SHISAL2B: variants seen among roughly 807,000 people sequenced by gnomAD.
SHISAL2B encodes the protein shisa like 2B.
A neutral mutation model predicts 16.5 loss-of-function variants in SHISAL2B; 12 were observed. That is an observed-to-expected ratio of 0.73 (90% CI 0.47 to 1.18). The LOEUF (loss-of-function observed/expected upper bound fraction) is 1.18, where lower values mean the gene tolerates loss of function less well. SHISAL2B is among the 50% of genes most tolerant of loss of function. The pLI, the probability that SHISAL2B is intolerant of heterozygous loss-of-function variation, is 0.00. For synonymous variants in SHISAL2B, 72 were observed against 75.0 expected (o/e 0.96, Z 0.21); for missense variants, 183 against 193.6 (o/e 0.95, Z 0.33).
At chr5:64,696,050 C>T (rs1741729313) in intron 2 of SHISAL2B, among the ~76,000 whole-genome samples, 1 of 152,178 alleles carries the variant, frequency 6.6e-6, no homozygotes, top group Admixed American at 6.5e-5. Flanking sequence ...CGGCTGGAGC[C>T]ACAGCAGAGG....
At chr5:64,696,337 A>C (rs1561374111) in intron 2 of SHISAL2B, among the ~76,000 whole-genome samples, 1 of 152,238 alleles carries the variant, frequency 6.6e-6, no homozygotes. Flanking sequence ...ATTGATTGTA[A>C]AACATGTGTG....
intron 1 of SHISAL2B, chr5:64,694,272 G>C (rs896423850): frequency 2.5e-5 from 9 of 353,552 alleles, no homozygotes; most frequent in African/African-American, 4.3e-5. Context: ...GTTCTCAAAT[G>C]CTTTAAATAA....
chr5:64,717,795 C>T, intron 2 of SHISAL2B, 94 bp from the exon 3 acceptor site: 3 of 1,129,524 alleles, frequency 2.7e-6, no homozygotes, highest in South Asian at 1.5e-5. Flanking sequence ...ATCATATTTT[C>T]AATATTGCTA....
intron 2 of SHISAL2B, among the ~76,000 whole-genome samples, chr5:64,704,959 C>A (rs1012745162): frequency 2.0e-5 from 3 of 152,086 alleles, no homozygotes; most frequent in Admixed American, 6.5e-5. Flanking sequence ...GTCTAACCTG[C>A]AGGAAGAGAG....
At chr5:64,711,352 G>C (rs1048732959) in intron 2 of SHISAL2B, among the ~76,000 whole-genome samples, 1 of 149,658 alleles carries the variant, frequency 6.7e-6, no homozygotes, top group Non-Finnish European at 1.5e-5. Context: ...ATTGATTTGC[G>C]TATATTGAAC....
chr5:64,709,811 G>C (rs1741932647), intron 2 of SHISAL2B, among the ~76,000 whole-genome samples: 2 of 152,068 alleles, frequency 1.3e-5, no homozygotes, highest in Admixed American at 1.3e-4. Context: ...TTTTTTTCAT[G>C]TGTTTTTTGG....
At chr5:64,700,534 C>A (rs1741794755) in intron 2 of SHISAL2B, among the ~76,000 whole-genome samples, 1 of 152,154 alleles carries the variant, frequency 6.6e-6, no homozygotes, top group Admixed American at 6.5e-5. Context: ...CCTCAGCCTC[C>A]CGAGTAGCTG....
intron 2 of SHISAL2B, among the ~76,000 whole-genome samples, chr5:64,703,088 T>G (rs1741830752): frequency 1.3e-5 from 2 of 152,250 alleles, no homozygotes; most frequent in South Asian, 4.1e-4. Flanking sequence ...AAATAAACTT[T>G]CAAATCACTC....
chr5:64,702,642 T>G (rs1741826252), intron 2 of SHISAL2B, among the ~76,000 whole-genome samples: 1 of 152,102 alleles, frequency 6.6e-6, no homozygotes, highest in Non-Finnish European at 1.5e-5. Context: ...ATTTATATAT[T>G]TGCATACCTA....
intron 2 of SHISAL2B, among the ~76,000 whole-genome samples, chr5:64,714,780 T>A (rs1742018553): frequency 6.6e-6 from 1 of 152,198 alleles, no homozygotes; most frequent in Non-Finnish European, 1.5e-5. Flanking sequence ...AAGCGCAATA[T>A]TCGGGTGGGA....
intron 2 of SHISAL2B, among the ~76,000 whole-genome samples, chr5:64,713,389 G>A (rs1176492515): frequency 1.2e-5 from 1 of 86,466 alleles, no homozygotes; most frequent in Non-Finnish European, 2.1e-5. Flanking sequence ...CTGGCTTGTA[G>A]GGTTTCTGTC....
intron 2 of SHISAL2B, among the ~76,000 whole-genome samples, chr5:64,709,833 T>A (rs951847462): frequency 2.0e-5 from 3 of 152,200 alleles, no homozygotes; most frequent in African/African-American, 7.2e-5. Flanking sequence ...TGCATAAATG[T>A]CTTCTTTTGA....
At chr5:64,700,745 T>C (rs767662424) in intron 2 of SHISAL2B, among the ~76,000 whole-genome samples, 10 of 152,144 alleles carry the variant, frequency 6.6e-5, no homozygotes, top group Non-Finnish European at 1.3e-4. Context: ...AGTCTCCATC[T>C]GTTTTTAACA....
intron 2 of SHISAL2B, among the ~76,000 whole-genome samples, chr5:64,705,921 G>A (rs1322217011): frequency 6.6e-6 from 1 of 152,166 alleles, no homozygotes; most frequent in Non-Finnish European, 1.5e-5. Flanking sequence ...CACTTTGGGA[G>A]GCAGATGCGG....
At chr5:64,691,872 G>C (rs896928067) in intron 1 of SHISAL2B, among the ~76,000 whole-genome samples, 1 of 152,142 alleles carries the variant, frequency 6.6e-6, no homozygotes, top group Non-Finnish European at 1.5e-5. Flanking sequence ...AAGAGGTAAA[G>C]TATTGTGATT....
At chr5:64,705,972 A>G (rs1167536502) in intron 2 of SHISAL2B, among the ~76,000 whole-genome samples, 1 of 152,196 alleles carries the variant, frequency 6.6e-6, no homozygotes, top group Non-Finnish European at 1.5e-5. Context: ...CAGCCTGGGC[A>G]ACACAGTGAA....
In SHISAL2B at chr5:64,695,530, G is replaced by C; in HGVS notation, c.215G>C (p.Gly72Ala). 6.5e-7 allele frequency: 1 copy of C among 1,535,494 alleles called. No individual in the cohort carries two copies. Among genetic ancestry groups the C allele is most frequent in the Non-Finnish European group, 8.7e-7 (1 of 1,146,124 alleles). Residue 72 changes from glycine to alanine, a missense_variant, in exon 2 of 3, where the codon GGA becomes GCA. By Grantham distance (60) the Gly-to-Ala change is moderately conservative. Transcript: ENST00000389074. ...AGCATTGGTGCCTTGATTGGACTAG[G>C]AATTGCTGCCCTTGTTTTACTCGCC... ...SLSIGALIGL[G>A]IAALVLLAFV...
intron 2 of SHISAL2B, among the ~76,000 whole-genome samples, chr5:64,706,600 A>C (rs7729958): frequency 0.071 from 10,778 of 152,258 alleles, 1,241 homozygotes; most frequent in African/African-American, 0.25. Flanking sequence ...TAGTATGATT[A>C]ATTCCTAGAT....
intron 1 of SHISAL2B, chr5:64,694,114 G>A: frequency 2.2e-6 from 1 of 455,452 alleles, no homozygotes; most frequent in Non-Finnish European, 4.4e-6. Flanking sequence ...CCTAATCCCA[G>A]AGAAAGAGCA....
Sources: gnomAD v4.1 joint callset for allele counts (sites outside exome capture counted in the v4.1 genomes callset) on GRCh38, gnomAD v4.1.1 for gene constraint, MANE v1.5 for transcripts, NCBI Gene and HGNC (gene_info 2026-07-23, HGNC 2026-07-21) for gene names.